GRIN2B: variants seen among roughly 807,000 people sequenced by gnomAD.
GRIN2B encodes the protein glutamate receptor ionotropic, NMDA 2B.
Under a neutral mutation model 114.5 loss-of-function variants are expected in GRIN2B, and 5 were observed. The observed-to-expected ratio is 0.04, with a 90% confidence interval of 0.02 to 0.09. The LOEUF (loss-of-function observed/expected upper bound fraction) is 0.09. Ranked by LOEUF, GRIN2B falls within the 10% of genes least tolerant of loss-of-function variation. The pLI, the probability that GRIN2B is intolerant of heterozygous loss-of-function variation, is 1.00. For synonymous variants in GRIN2B, 787 were observed against 745.1 expected (o/e 1.06, Z -0.92); for missense variants, 1,108 against 1,943.5 (o/e 0.57, Z 8.08).
chr12:13,729,930 C>A (rs1350320840), intron 4 of GRIN2B, among the ~76,000 whole-genome samples: 4 of 150,216 alleles, frequency 2.7e-5, no homozygotes, highest in African/African-American at 9.8e-5. Context: ...CATCTCTGGG[C>A]AAAAAATCTA....
chr12:13,587,555 T>C (rs1215670971), intron 10 of GRIN2B, among the ~76,000 whole-genome samples: 1 of 151,988 alleles, frequency 6.6e-6, no homozygotes, highest in Non-Finnish European at 1.5e-5. Context: ...GATATTTGTC[T>C]TGTTGCCCAG....
At chr12:13,910,050 G>A (rs1420301116) in intron 2 of GRIN2B, among the ~76,000 whole-genome samples, 1 of 152,166 alleles carries the variant, frequency 6.6e-6, no homozygotes, top group South Asian at 2.1e-4. Context: ...ATGTTCAAAA[G>A]TTCAAATAAT....
intron 2 of GRIN2B, among the ~76,000 whole-genome samples, chr12:13,962,787 G>C (rs114521767): frequency 1.4e-4 from 21 of 152,282 alleles, no homozygotes; most frequent in Non-Finnish European, 8.8e-5. Flanking sequence ...AACTTCCCAG[G>C]GGGGCAGAGC....
At chr12:13,691,370 A>T (rs1322472213) in intron 4 of GRIN2B, among the ~76,000 whole-genome samples, 1 of 152,218 alleles carries the variant, frequency 6.6e-6, no homozygotes, top group Non-Finnish European at 1.5e-5. Flanking sequence ...GGACATGATG[A>T]AGTAGTTCAG....
At chr12:13,638,473 C>G (rs1411423600) in intron 5 of GRIN2B, among the ~76,000 whole-genome samples, 1 of 152,060 alleles carries the variant, frequency 6.6e-6, no homozygotes, top group African/African-American at 2.4e-5. Flanking sequence ...GCAGAGGCAG[C>G]CCTTGAGCAC....
chr12:13,761,556 T>C (rs545655674), intron 3 of GRIN2B, among the ~76,000 whole-genome samples: 4 of 152,290 alleles, frequency 2.6e-5, no homozygotes, highest in African/African-American at 9.6e-5. Context: ...TAAGAGCACT[T>C]TGAGAATGTG....
At chr12:13,969,084 T>A (rs895958350) in intron 2 of GRIN2B, among the ~76,000 whole-genome samples, 1 of 152,238 alleles carries the variant, frequency 6.6e-6, no homozygotes, top group African/African-American at 2.4e-5. Flanking sequence ...ATATGTGAAA[T>A]GAATGAGATG....
chr12:13,716,898 A>G (rs1233009327), intron 4 of GRIN2B, among the ~76,000 whole-genome samples: 1 of 151,942 alleles, frequency 6.6e-6, no homozygotes, highest in Non-Finnish European at 1.5e-5. Flanking sequence ...GTGACTAAAT[A>G]TGCAAGGACT....
intron 11 of GRIN2B, among the ~76,000 whole-genome samples, chr12:13,571,294 G>A (rs1363744643): frequency 1.3e-5 from 2 of 152,190 alleles, no homozygotes; most frequent in African/African-American, 4.8e-5. Context: ...CACATGTGTA[G>A]GTCATGAACT....
chr12:13,810,200 C>T (rs1174695107), intron 3 of GRIN2B, among the ~76,000 whole-genome samples: 5 of 150,702 alleles, frequency 3.3e-5, no homozygotes, highest in Non-Finnish European at 5.9e-5. Context: ...CCGCATAGTA[C>T]TTAATTCTGT....
rs1393898095 is a variant in GRIN2B at position 13,539,127 on chromosome 12, A to G, written c.*23656T>C. 1 of 152,236 alleles carries G rather than the reference A, an allele frequency of 6.6e-6. No homozygotes were observed. Among genetic ancestry groups the G allele is most frequent in the African/African-American group, 2.4e-5 (1 of 41,466 alleles). 9.4% of individuals were successfully genotyped at this position (152,236 alleles called of 1,614,324 possible). On this transcript the variant is annotated 3_prime_UTR_variant, in exon 14 of 14. Coordinates refer to ENST00000609686, the MANE Select transcript of GRIN2B (RefSeq NM_000834.5). The stretch of plus-strand genomic sequence containing the variant: ...ATTTTTGTTCAGTACAAAGGAAAGT[A>G]CAAGAGAGACCCTCACAGATAATCT...
intron 3 of GRIN2B, among the ~76,000 whole-genome samples, chr12:13,774,336 T>C (rs929232565): frequency 6.6e-6 from 1 of 152,154 alleles, no homozygotes; most frequent in African/African-American, 2.4e-5. Context: ...AGAAGTGTAA[T>C]GTGGTGAAAG....
At chr12:13,915,022 T>C (rs1866689599) in intron 2 of GRIN2B, among the ~76,000 whole-genome samples, 1 of 152,180 alleles carries the variant, frequency 6.6e-6, no homozygotes, top group Non-Finnish European at 1.5e-5. Context: ...CAATAATCTA[T>C]TGTATATTTT....
At chr12:13,692,145 A>G (rs1950219666) in intron 4 of GRIN2B, among the ~76,000 whole-genome samples, 1 of 152,168 alleles carries the variant, frequency 6.6e-6, no homozygotes, top group Non-Finnish European at 1.5e-5. Flanking sequence ...AAGTTTTTTC[A>G]GCAACTTGCA....
intron 2 of GRIN2B, among the ~76,000 whole-genome samples, chr12:13,905,427 T>A (rs544578809): frequency 6.6e-6 from 1 of 152,360 alleles, no homozygotes; most frequent in South Asian, 2.1e-4. Context: ...TTTTGCGCTT[T>A]CCTGGTTCCT....
At chr12:13,858,910 T>G (rs1029054204) in intron 3 of GRIN2B, among the ~76,000 whole-genome samples, 1 of 152,212 alleles carries the variant, frequency 6.6e-6, no homozygotes, top group South Asian at 2.1e-4. Context: ...TTATCCACCA[T>G]GTCTAAATGG....
intron 10 of GRIN2B, among the ~76,000 whole-genome samples, chr12:13,573,610 T>TAGCTC (rs1367080252): frequency 7.2e-5 from 11 of 152,170 alleles, no homozygotes; most frequent in African/African-American, 2.2e-4. Context: ...GTAGCTGTGC[T>TAGCTC]GTGCTTTGGC....
At chr12:13,791,623 C>G (rs1470660484) in intron 3 of GRIN2B, among the ~76,000 whole-genome samples, 2 of 152,086 alleles carry the variant, frequency 1.3e-5, no homozygotes, top group African/African-American at 4.8e-5. Context: ...ATAAACACCT[C>G]TATTAGCTTT....
At chr12:13,737,725 C>T (rs1394752246) in intron 4 of GRIN2B, among the ~76,000 whole-genome samples, 1 of 152,126 alleles carries the variant, frequency 6.6e-6, no homozygotes, top group African/African-American at 2.4e-5. Context: ...ATAAAAATTA[C>T]CTAATAATCT....
Sources: allele counts gnomAD v4.1 joint callset (sites outside exome capture counted in the v4.1 genomes callset), GRCh38; gene constraint gnomAD v4.1.1; transcripts MANE v1.5; gene names NCBI Gene and HGNC (gene_info 2026-07-23, HGNC 2026-07-21).